The following SRBD1 variants were observed in gnomAD, a reference collection of about 807,000 sequenced individuals.
The protein encoded by SRBD1 is S1 RNA-binding domain-containing protein 1.
A neutral mutation model predicts 115.3 loss-of-function variants in SRBD1; 88 were observed. The ratio of observed to expected loss-of-function variants is 0.76; its 90% confidence interval spans 0.64 to 0.91. The LOEUF (loss-of-function observed/expected upper bound fraction) is 0.91, where lower values mean the gene tolerates loss of function less well. SRBD1 is among the 40% of genes least tolerant of loss of function. SRBD1 has a pLI of 0.00. For missense variants in SRBD1, 1,385 were observed against 1,177.4 expected, an observed-to-expected ratio of 1.18 and a Z score of -2.58; for synonymous variants, 509 against 407.7, an observed-to-expected ratio of 1.25 and a Z score of -2.99.
chr2:45,545,413 T>C (rs1335376994), intron 14 of SRBD1, among the ~76,000 whole-genome samples: 2 of 148,058 alleles, frequency 1.4e-5, no homozygotes, highest in East Asian at 2.0e-4. Flanking sequence ...TATAAGCAAA[T>C]GAAGAAAAAA....
intron 15 of SRBD1, among the ~76,000 whole-genome samples, chr2:45,485,194 C>T (rs1252225311): frequency 6.6e-6 from 1 of 152,198 alleles, no homozygotes; most frequent in Non-Finnish European, 1.5e-5. Context: ...CCTCAACGCT[C>T]TCACCATACT....
At chr2:45,527,443 C>T (rs1671479741) in intron 14 of SRBD1, among the ~76,000 whole-genome samples, 1 of 151,722 alleles carries the variant, frequency 6.6e-6, no homozygotes, top group Non-Finnish European at 1.5e-5. Flanking sequence ...ATTAGAGAAT[C>T]TCATGGAGAA....
chr2:45,498,695 T>C (rs767386861), intron 14 of SRBD1, among the ~76,000 whole-genome samples: 1 of 152,154 alleles, frequency 6.6e-6, no homozygotes, highest in Non-Finnish European at 1.5e-5. Context: ...CTACTCTCTG[T>C]CTCCATGAGG....
At chr2:45,519,690 A>T (rs995125404) in intron 14 of SRBD1, among the ~76,000 whole-genome samples, 7 of 152,182 alleles carry the variant, frequency 4.6e-5, no homozygotes, top group African/African-American at 1.4e-4. Flanking sequence ...GTGATTTTTT[A>T]AAAATTTTTG....
At chr2:45,546,878 G>C (rs754836564) in intron 13 of SRBD1, 39 bp from the exon 14 acceptor site, 1 of 1,581,878 alleles carries the variant, frequency 6.3e-7, no homozygotes, top group African/African-American at 1.3e-5. Flanking sequence ...GAATTTCAAG[G>C]CATGCTTTGA....
intron 16 of SRBD1, among the ~76,000 whole-genome samples, chr2:45,474,225 G>A (rs930325887): frequency 5.9e-5 from 9 of 151,842 alleles, no homozygotes; most frequent in African/African-American, 9.7e-5. Flanking sequence ...TGTCTCACTC[G>A]CTATTACTTT....
At chr2:45,572,360 T>C (rs184430426) in intron 9 of SRBD1, among the ~76,000 whole-genome samples, 2 of 152,246 alleles carry the variant, frequency 1.3e-5, no homozygotes, top group African/African-American at 4.8e-5. Context: ...TTGCTGGAGA[T>C]TGGTGGCACA....
intron 14 of SRBD1, among the ~76,000 whole-genome samples, chr2:45,539,571 T>C (rs780798154): frequency 6.6e-6 from 1 of 152,188 alleles, no homozygotes; most frequent in Non-Finnish European, 1.5e-5. Context: ...CACGGGCTGA[T>C]GTAGCGGGGA....
At chr2:45,428,139 TAACA>T (rs1230709266) in intron 16 of SRBD1, among the ~76,000 whole-genome samples, 4 of 152,120 alleles carry the variant, frequency 2.6e-5, no homozygotes, top group South Asian at 2.1e-4. Flanking sequence ...ACAGAAATCA[TAACA>T]AACAGTCTCT....
intron 10 of SRBD1, among the ~76,000 whole-genome samples, chr2:45,558,147 A>T (rs898284513): frequency 2.0e-5 from 3 of 152,152 alleles, no homozygotes; most frequent in African/African-American, 2.4e-5. Context: ...CAAGTCAAAG[A>T]CACAAAAATC....
At chr2:45,485,039 C>T (rs1670076441) in intron 15 of SRBD1, among the ~76,000 whole-genome samples, 1 of 152,150 alleles carries the variant, frequency 6.6e-6, no homozygotes, top group African/African-American at 2.4e-5. Context: ...CTGCTATAAG[C>T]ACTTGTGTAC....
chr2:45,403,316 C>T (rs1667340520), intron 19 of SRBD1, among the ~76,000 whole-genome samples: 1 of 134,090 alleles, frequency 7.5e-6, no homozygotes, highest in Non-Finnish European at 1.6e-5. Context: ...TTGACCACAG[C>T]CAGTTTAGAT....
At chr2:45,561,051 G>A (rs1479761653) in intron 10 of SRBD1, among the ~76,000 whole-genome samples, 1 of 152,040 alleles carries the variant, frequency 6.6e-6, no homozygotes, top group Non-Finnish European at 1.5e-5. Flanking sequence ...AGGCTGTAGT[G>A]AGCTATGATA....
chr2:45,439,097 A>G (rs1295207955), intron 16 of SRBD1, among the ~76,000 whole-genome samples: 1 of 152,112 alleles, frequency 6.6e-6, no homozygotes, highest in African/African-American at 2.4e-5. Flanking sequence ...AGTGCTGCAC[A>G]CACACATACA....
chr2:45,513,071 C>G (rs1671015808), intron 14 of SRBD1, among the ~76,000 whole-genome samples: 1 of 152,152 alleles, frequency 6.6e-6, no homozygotes, highest in Non-Finnish European at 1.5e-5. Context: ...GTCAAATGCT[C>G]TACCCCTGAG....
intron 19 of SRBD1, among the ~76,000 whole-genome samples, chr2:45,403,790 G>GA (rs914212988): frequency 6.6e-6 from 1 of 151,732 alleles, no homozygotes; most frequent in East Asian, 1.9e-4. Flanking sequence ...GCTTTTTAAT[G>GA]AAAAAAAATT....
intron 19 of SRBD1, among the ~76,000 whole-genome samples, chr2:45,399,593 T>A (rs1218354077): frequency 1.3e-5 from 2 of 152,088 alleles, no homozygotes; most frequent in African/African-American, 4.8e-5. Flanking sequence ...TATAACAGAT[T>A]ACATCTTCAT....
chr2:45,562,467 C>G (rs1051696639), intron 10 of SRBD1, among the ~76,000 whole-genome samples, 186 bp downstream of exon 10: 1 of 152,122 alleles, frequency 6.6e-6, no homozygotes, highest in Non-Finnish European at 1.5e-5. Context: ...CTCCTGACCT[C>G]GCGATCCACC....
Position 45,547,612 on chromosome 2 carries a change from C to A in SRBD1, c.1676G>T (p.Ser559Ile). 1 of 1,604,646 alleles carries A rather than the reference C, an allele frequency of 6.2e-7. No individual in the cohort carries two copies. Among genetic ancestry groups the A allele is most frequent in the Non-Finnish European group, 8.5e-7 (1 of 1,176,612 alleles). ...AACCACATCAGTATGAAGTATCTGA[C>A]CTTTAAAAAATGAAAAGAATAAGCC... ...GCKLAIISPTSQILHTDVVYL... is the reference protein window; with the variant it reads ...GCKLAIISPTIQILHTDVVYL... Residue 559 changes from serine to isoleucine, a missense_variant and splice_region_variant, in exon 13 of 21, where the codon AGT becomes ATT. Ser to Ile is a moderately radical substitution (Grantham distance 142). Coordinates refer to ENST00000263736, the MANE Select transcript of SRBD1 (RefSeq NM_018079.5).
Sources: allele counts gnomAD v4.1 joint callset (sites outside exome capture counted in the v4.1 genomes callset), GRCh38; gene constraint gnomAD v4.1.1; transcripts MANE v1.5; gene names NCBI Gene and HGNC (gene_info 2026-07-23, HGNC 2026-07-21).